Variants in KYAT3 observed in about 807,000 individuals in gnomAD.
The protein encoded by KYAT3 is kynurenine aminotransferase 3, also known as kynurenine--oxoglutarate transaminase 3.
A neutral mutation model predicts 59.0 loss-of-function variants in KYAT3; 50 were observed. The observed-to-expected ratio is 0.85, with a 90% CI of 0.68 to 1.07. The LOEUF (loss-of-function observed/expected upper bound fraction) is 1.07. Ranked by LOEUF, KYAT3 falls within the 50% of genes least tolerant of loss-of-function variation. KYAT3 has a pLI of 0.00. For missense variants in KYAT3, 497 were observed against 533.3 expected (o/e 0.93, Z 0.67); for synonymous variants, 148 against 177.0 (o/e 0.84, Z 1.30).
At chr1:88,936,371 CAA>C in intron 13 of KYAT3, 126 bp from the exon 14 acceptor site, 2 of 730,466 alleles carry the variant, frequency 2.7e-6, no homozygotes, top group East Asian at 5.5e-5. Flanking sequence ...GAAAAATTTT[CAA>C]AGTGAAAAAG....
intron 4 of KYAT3, 75 bp downstream of exon 4, chr1:88,968,595 G>A (rs1420666428): frequency 1.7e-6 from 2 of 1,159,540 alleles, no homozygotes; most frequent in Non-Finnish European, 2.4e-6. Context: ...TGACAGAAGG[G>A]CACATGCACA....
chr1:88,970,223 T>TA (rs1231071310), intron 2 of KYAT3, among the ~76,000 whole-genome samples: 1 of 152,182 alleles, frequency 6.6e-6, no homozygotes, highest in African/African-American at 2.4e-5. Flanking sequence ...AGCTACTCAG[T>TA]AAGGGGTTCC....
In KYAT3 at chr1:88,977,863, A is replaced by G. The variant is rs892152724; in HGVS notation, c.100-8396T>C. ...CTTTTCTATGTTTAGATATGCAAAT[A>G]CCATTATGTTACAGTTGCCTGTAGT... On this transcript the variant is annotated intron_variant, in intron 2 of 13. Transcript: ENST00000260508. Among the ~76,000 whole-genome samples the G allele has an allele frequency of 1.2e-4, 18 of 152,280 alleles. 1 individual carries two copies. The highest frequency in any genetic ancestry group is 3.4e-3 in the Middle Eastern group (1 of 294).
At chr1:88,991,460 G>C (rs745778028) in intron 1 of KYAT3, among the ~76,000 whole-genome samples, 2 of 152,208 alleles carry the variant, frequency 1.3e-5, no homozygotes, top group Non-Finnish European at 2.9e-5. Flanking sequence ...CCACTGTAAA[G>C]ATGATTTTCC....
chr1:88,986,203 A>G (rs1458124888), intron 2 of KYAT3, among the ~76,000 whole-genome samples: 2 of 150,568 alleles, frequency 1.3e-5, no homozygotes, highest in Non-Finnish European at 3.0e-5. Flanking sequence ...AGAGAGAGAG[A>G]GAGAGACAGA....
intron 2 of KYAT3, among the ~76,000 whole-genome samples, chr1:88,974,979 C>A (rs146877377): frequency 3.9e-5 from 6 of 152,226 alleles, no homozygotes; most frequent in Admixed American, 1.3e-4. Context: ...GCAACCTGTC[C>A]GGGTCCCCTT....
chr1:88,933,211 T>C (rs902006689), downstream of KYAT3, among the ~76,000 whole-genome samples: 11 of 152,192 alleles, frequency 7.2e-5, no homozygotes, highest in East Asian at 2.1e-3. Context: ...ACATACAATA[T>C]ATTTTATTAT....
At chr1:88,990,267 T>C (rs1434685185) in intron 1 of KYAT3, among the ~76,000 whole-genome samples, 1 of 94,062 alleles carries the variant, frequency 1.1e-5, no homozygotes, top group African/African-American at 1.1e-4. Flanking sequence ...TCTCTCCCGG[T>C]TAAAAAACAT....
downstream of KYAT3, among the ~76,000 whole-genome samples, chr1:88,932,479 T>C (rs922058990): frequency 3.3e-5 from 5 of 152,120 alleles, no homozygotes; most frequent in African/African-American, 1.2e-4. Flanking sequence ...TTATATACAA[T>C]GCCGCAACAG....
chr1:88,968,590 G>T, intron 4 of KYAT3, 80 bp downstream of exon 4: 1 of 1,138,354 alleles, frequency 8.8e-7, no homozygotes, highest in Non-Finnish European at 1.2e-6. Context: ...ATGAATGACA[G>T]AAGGGCACAT....
intron 2 of KYAT3, chr1:88,984,077 G>A: frequency 2.3e-6 from 1 of 427,348 alleles, no homozygotes; most frequent in African/African-American, 2.1e-5. Flanking sequence ...CTGTAATGGT[G>A]GAAGAAATGA....
intron 2 of KYAT3, among the ~76,000 whole-genome samples, chr1:88,971,904 G>C (rs563358190): frequency 6.6e-6 from 1 of 152,266 alleles, no homozygotes; most frequent in East Asian, 1.9e-4. Flanking sequence ...GGAAACTGCA[G>C]CTTTAAGCAA....
intron 13 of KYAT3, among the ~76,000 whole-genome samples, chr1:88,940,020 A>G (rs1216667124): frequency 6.6e-6 from 1 of 151,814 alleles, no homozygotes; most frequent in Non-Finnish European, 1.5e-5. Flanking sequence ...TCTTTTCCTT[A>G]TACTGTCCTA....
intron 13 of KYAT3, among the ~76,000 whole-genome samples, chr1:88,942,266 T>A (rs1675262083): frequency 6.7e-6 from 1 of 149,010 alleles, no homozygotes; most frequent in Non-Finnish European, 1.5e-5. Flanking sequence ...ATTTGGTTCT[T>A]TTTTTTTTTA....
rs33949703 is a variant in KYAT3 at position 88,959,572 on chromosome 1, C to CA, written c.787+1594dup. ...TGGGCAACAGAGCAAGACTCTGTCT[C>CA]AAAAAAAAAAAAAAAAAAAAATTAA... On this transcript the variant is annotated intron_variant, in intron 8 of 13. Transcript: ENST00000260508. Among the ~76,000 whole-genome samples, 526 of 117,990 alleles carry CA rather than the reference C, an allele frequency of 4.5e-3. 2 individuals carry two copies. The highest frequency in any genetic ancestry group is 0.014 in the African/African-American group (426 of 31,044). The allele number at this position is 117,990 out of a possible 152,430, so 77.4% of individuals were successfully genotyped here.
rs552260836 is a variant in KYAT3, at chr1:88,955,670, T to C, written c.788-445A>G. ...TATTTTGCCTATTTTCTGAGTGTATTTCTCCAGGCTTCCTAGAGCAATGGC... is the reference window on the plus strand; with the variant it reads ...TATTTTGCCTATTTTCTGAGTGTATCTCTCCAGGCTTCCTAGAGCAATGGC... On this transcript the variant is annotated intron_variant, in intron 8 of 13. Coordinates refer to ENST00000260508, the MANE Select transcript of KYAT3 (RefSeq NM_001008661.3). Among the ~76,000 whole-genome samples, 3 of 152,306 alleles carry C rather than the reference T, an allele frequency of 2.0e-5. No individual in the cohort carries two copies. In the South Asian group the frequency reaches 6.2e-4, roughly 32 times the overall value.
downstream of KYAT3, among the ~76,000 whole-genome samples, chr1:88,933,614 GGAACCAGT>G (rs1674955669): frequency 6.6e-6 from 1 of 152,168 alleles, no homozygotes; most frequent in Non-Finnish European, 1.5e-5. Flanking sequence ...TCTGAAGAAG[GGAACCAGT>G]AGAGATTGAA....
At chr1:88,937,330 G>C (rs1236653531) in intron 13 of KYAT3, among the ~76,000 whole-genome samples, 1 of 152,140 alleles carries the variant, frequency 6.6e-6, no homozygotes, top group Non-Finnish European at 1.5e-5. Context: ...CCTGAACCGG[G>C]AAAAGGGTAT....
At chr1:88,991,977 C>T (rs972441292) in intron 1 of KYAT3, among the ~76,000 whole-genome samples, 12 of 83,044 alleles carry the variant, frequency 1.4e-4, no homozygotes, top group East Asian at 3.5e-4. Context: ...CCTTGGTATT[C>T]TTTTGGTTTT....
Sources: allele counts gnomAD v4.1 joint callset (sites outside exome capture counted in the v4.1 genomes callset), GRCh38; gene constraint gnomAD v4.1.1; transcripts MANE v1.5; gene names NCBI Gene and HGNC (gene_info 2026-07-23, HGNC 2026-07-21).